The following STXBP5 variants were observed in gnomAD, a reference collection of about 807,000 sequenced individuals.
The protein encoded by STXBP5 is syntaxin binding protein 5, also known as syntaxin-binding protein 5.
In STXBP5, 50 loss-of-function variants were observed where a neutral mutation model predicts 152.4. That is an observed-to-expected ratio of 0.33 (90% CI 0.26 to 0.42). STXBP5 has a LOEUF of 0.42. Ranked by LOEUF, STXBP5 falls within the 10% of genes least tolerant of loss-of-function variation. STXBP5 has a pLI of 1.00. For synonymous variants in STXBP5, 492 were observed against 494.7 expected, an observed-to-expected ratio of 0.99 and a Z score of 0.07; for missense variants, 1,167 against 1,388.6, an observed-to-expected ratio of 0.84 and a Z score of 2.54.
chr6:147,370,734 A>G (rs1191169166), intron 25 of STXBP5, among the ~76,000 whole-genome samples: 1 of 152,076 alleles, frequency 6.6e-6, no homozygotes, highest in African/African-American at 2.4e-5. Flanking sequence ...ACCCCAAGTA[A>G]TCACTGTAAA....
Position 147,248,893 on chromosome 6 carries a change from T to A in STXBP5, c.431+9623T>A, listed in dbSNP as rs6932818. On this transcript the variant is annotated intron_variant, in intron 4 of 27. Transcript: ENST00000321680. ...ATTTTTCCTGTCAAAAGGCTCAGAGTGTGAGAAGGATCCAGTGGACAGGAG... is the reference window on the plus strand; with the variant it reads ...ATTTTTCCTGTCAAAAGGCTCAGAGAGTGAGAAGGATCCAGTGGACAGGAG... Among the ~76,000 whole-genome samples the A allele has an allele frequency of 7.9e-3, 1,206 of 151,710 alleles. 19 individuals carry two copies. The highest frequency in any genetic ancestry group is 0.027 in the African/African-American group (1,109 of 41,372).
At chr6:147,242,925 G>A (rs1376313917) in intron 4 of STXBP5, among the ~76,000 whole-genome samples, 1 of 152,064 alleles carries the variant, frequency 6.6e-6, no homozygotes, top group Non-Finnish European at 1.5e-5. Context: ...TAGTCTTCTG[G>A]CTTGCTAAGT....
chr6:147,383,489 A>G (rs1195260483), intron 27 of STXBP5, among the ~76,000 whole-genome samples: 1 of 152,112 alleles, frequency 6.6e-6, no homozygotes, highest in Non-Finnish European at 1.5e-5. Flanking sequence ...TGGTGGACCT[A>G]GGAAGTCATG....
chr6:147,364,853 T>C (rs1359051406), intron 25 of STXBP5, among the ~76,000 whole-genome samples: 1 of 152,178 alleles, frequency 6.6e-6, no homozygotes, highest in Non-Finnish European at 1.5e-5. Context: ...TTTGCAATTA[T>C]TTAGCCCTAT....
intron 9 of STXBP5, among the ~76,000 whole-genome samples, chr6:147,292,012 T>C (rs1781298860): frequency 1.3e-5 from 2 of 152,176 alleles, no homozygotes; most frequent in Admixed American, 1.3e-4. Flanking sequence ...AATCAAAAAC[T>C]CTAGGGTCGG....
At chr6:147,339,012 T>C (rs1301164524) in intron 19 of STXBP5, among the ~76,000 whole-genome samples, 167 bp from the exon 20 acceptor site, 1 of 151,930 alleles carries the variant, frequency 6.6e-6, no homozygotes, top group Non-Finnish European at 1.5e-5. Flanking sequence ...TATACTGTAA[T>C]AGTATAAGAA....
intron 9 of STXBP5, among the ~76,000 whole-genome samples, chr6:147,298,157 A>G (rs1781624073): frequency 6.6e-6 from 1 of 151,900 alleles, no homozygotes; most frequent in African/African-American, 2.4e-5. Context: ...ATGGAAAAAG[A>G]TATTTCATGC....
intron 21 of STXBP5, among the ~76,000 whole-genome samples, chr6:147,347,184 T>G (rs1784377357): frequency 6.6e-6 from 1 of 152,152 alleles, no homozygotes; most frequent in Admixed American, 6.5e-5. Flanking sequence ...GTCTTTGTCT[T>G]AAGTTAGAAA....
intron 26 of STXBP5, among the ~76,000 whole-genome samples, chr6:147,378,446 T>G (rs536170668): frequency 6.6e-6 from 1 of 150,530 alleles, no homozygotes; most frequent in South Asian, 2.1e-4. Flanking sequence ...CCGTTCCTGA[T>G]AGAGACTCCT....
chr6:147,324,931 A>G lies in STXBP5; in HGVS notation c.1803-28A>G, dbSNP rs753274428. On this transcript the variant is annotated intron_variant, in intron 16 of 27. Transcript: ENST00000321680. ...ATAGGCCAATAGTTGAAAATGGTTT[A>G]AAGATACCATGTTTTCTTTTATTTT... is the stretch of plus-strand genomic sequence containing the variant. The G allele has an allele frequency of 3.4e-6, 5 of 1,470,574 alleles. No individual in the cohort carries two copies. The East Asian group carries it at 9.8e-5, about 29-fold the overall frequency. The allele number at this position is 1,470,574 out of a possible 1,614,324, so 91.1% of individuals were successfully genotyped here.
chr6:147,278,276 C>G (rs1780541137), intron 8 of STXBP5, 72 bp downstream of exon 8: 2 of 1,381,196 alleles, frequency 1.4e-6, no homozygotes, highest in Non-Finnish European at 9.6e-7. Flanking sequence ...AGTTTGCATT[C>G]TGATTTGTTT....
chr6:147,262,791 T>C (rs1365776884), intron 6 of STXBP5, among the ~76,000 whole-genome samples: 1 of 151,322 alleles, frequency 6.6e-6, no homozygotes, highest in African/African-American at 2.4e-5. Flanking sequence ...ATAGTTCTAA[T>C]TAATAATGTA....
chr6:147,243,717 A>G (rs1185797005), intron 4 of STXBP5, among the ~76,000 whole-genome samples: 1 of 152,218 alleles, frequency 6.6e-6, no homozygotes, highest in Non-Finnish European at 1.5e-5. Context: ...TTTGCATTTT[A>G]CATTTAGATC....
At chr6:147,320,300 C>T (rs531222644) in intron 16 of STXBP5, among the ~76,000 whole-genome samples, 38 of 152,248 alleles carry the variant, frequency 2.5e-4, no homozygotes, top group African/African-American at 8.4e-4. Context: ...TCCTCCCAGT[C>T]GTGGCAGTAT....
At chr6:147,317,409 G>A (rs576282955) in intron 16 of STXBP5, among the ~76,000 whole-genome samples, 29 of 152,206 alleles carry the variant, frequency 1.9e-4, no homozygotes, top group Admixed American at 1.6e-3. Flanking sequence ...TGTAGTCTAA[G>A]CTGGTGGCTC....
intron 21 of STXBP5, among the ~76,000 whole-genome samples, chr6:147,343,106 G>A (rs1187588472): frequency 6.6e-6 from 1 of 152,054 alleles, no homozygotes; most frequent in South Asian, 2.1e-4. Context: ...CCGAAAACAA[G>A]TAGAAATAAT....
intron 4 of STXBP5, among the ~76,000 whole-genome samples, chr6:147,256,500 GAT>G (rs1351696455): frequency 6.6e-6 from 1 of 151,980 alleles, no homozygotes; most frequent in Admixed American, 6.6e-5. Flanking sequence ...TTTTTTCCCA[GAT>G]ATAGGTACCA....
At chr6:147,256,792 T>C (rs1174658601) in intron 4 of STXBP5, among the ~76,000 whole-genome samples, 3 of 152,194 alleles carry the variant, frequency 2.0e-5, no homozygotes, top group African/African-American at 4.8e-5. Flanking sequence ...GCTCATTTAA[T>C]AAAGACTTAC....
At position 147,363,372 on chromosome 6, in the gene STXBP5, G is replaced by A; in HGVS notation, c.2583G>A (p.Met861Ile). 1.9e-6 allele frequency: 3 copies of A among 1,608,908 alleles called. No homozygotes were observed. The highest frequency in any genetic ancestry group is 1.7e-5 in the Admixed American group (1 of 58,820). ...GGTTAAAAGGTGCAATCTTGAGAAT[G>A]GCATTTCTGGATACCACAGGCTGCT... ...ILRLKGAILR[M>I]AFLDTTGCLI... The change falls in exon 24 of 28, where the codon ATG becomes ATA. Residue 861 changes from methionine to isoleucine, a missense_variant. By Grantham distance (10) the Met-to-Ile change is conservative. Coordinates refer to ENST00000321680, the MANE Select transcript of STXBP5 (RefSeq NM_001127715.4).
Sources: gnomAD v4.1 joint callset for allele counts (sites outside exome capture counted in the v4.1 genomes callset) on GRCh38, gnomAD v4.1.1 for gene constraint, MANE v1.5 for transcripts, NCBI Gene and HGNC (gene_info 2026-07-23, HGNC 2026-07-21) for gene names.